GEN1: variants seen among roughly 807,000 people sequenced by gnomAD.
GEN1 encodes GEN1 structure-specific endonuclease, also known as flap endonuclease GEN homolog 1.
Under a neutral mutation model 67.6 loss-of-function variants are expected in GEN1, and 64 were observed. The ratio of observed to expected loss-of-function variants is 0.95; its 90% CI spans 0.77 to 1.17. GEN1 has a LOEUF of 1.17. Among genes scored for constraint, GEN1 ranks in the 50% most tolerant of loss-of-function variants. GEN1 has a pLI of 0.00. For synonymous variants in GEN1, 371 were observed against 359.4 expected, an observed-to-expected ratio of 1.03 and a Z score of -0.37; for missense variants, 1,058 against 1,048.3, an observed-to-expected ratio of 1.01 and a Z score of -0.13.
Position 17,781,473 on chromosome 2 carries a change from T to C in GEN1, c.2261T>C (p.Val754Ala), listed in dbSNP as rs753695222. The C allele has an allele frequency of 1.2e-6, 2 of 1,613,546 alleles. No homozygotes were observed. The highest frequency in any genetic ancestry group is 1.7e-6 in the Non-Finnish European group (2 of 1,179,912). The stretch of plus-strand genomic sequence containing the variant: ...GAAGACTATAAAGTCAATACTTCTG[T>C]CCCTTATTCTGTCAGTAACACAGTG... ...LQEDYKVNTSVPYSVSNTVVK... is the reference protein window; with the variant it reads ...LQEDYKVNTSAPYSVSNTVVK... The change falls in exon 14 of 14, where the codon GTC becomes GCC. Residue 754 changes from valine (V) to alanine (A), a missense_variant. By Grantham distance (64) the Val-to-Ala change is moderately conservative. Transcript: ENST00000381254.
chr2:17,777,256 A>T (rs1672474890), intron 11 of GEN1, among the ~76,000 whole-genome samples: 1 of 152,206 alleles, frequency 6.6e-6, no homozygotes, highest in Admixed American at 6.5e-5. Flanking sequence ...ACGTATTTGG[A>T]TAATTTAATA....
At chr2:17,754,829 C>T (rs1211353914) in intron 1 of GEN1, 1 of 152,172 alleles carries the variant, frequency 6.6e-6, no homozygotes, top group Non-Finnish European at 1.5e-5. Flanking sequence ...GTGTAAACCC[C>T]CTAAATAAAC....
chr2:17,765,066 A>G lies in GEN1; in HGVS notation c.518A>G (p.Asn173Ser), dbSNP rs1671861692. 21 of 1,613,530 alleles carry G rather than the reference A, an allele frequency of 1.3e-5. No individual in the cohort carries two copies. The highest frequency in any genetic ancestry group is 1.6e-5 in the Non-Finnish European group (19 of 1,179,834). ...AQTVYRNFTMNTKDPHVDCYT... is the reference protein window; with the variant it reads ...AQTVYRNFTMSTKDPHVDCYT... Reference sequence around the variant, plus strand: ...ACTGTTTACAGGAATTTCACTATGAATACAAAGGTGTTTATTTTCTTTCTC... The same window carrying G: ...ACTGTTTACAGGAATTTCACTATGAGTACAAAGGTGTTTATTTTCTTTCTC... Residue 173 changes from asparagine (N) to serine (S), a missense_variant, in exon 4 of 14, where the codon AAT becomes AGT. Transcript: ENST00000381254.
Position 17,784,244 on chromosome 2 carries a change from ATTACTC to A in GEN1, c.*2306_*2311del, listed in dbSNP as rs1672975116. On this transcript the variant is annotated 3_prime_UTR_variant, in exon 14 of 14. Coordinates refer to ENST00000381254, the MANE Select transcript of GEN1 (RefSeq NM_001130009.3). ...AGCACATTTAAAAATTTTCAGTACTATTACTCATCAGGAAAATGCAAATCAAAACCA... is the reference window on the plus strand; with the variant it reads ...AGCACATTTAAAAATTTTCAGTACTAATCAGGAAAATGCAAATCAAAACCA... 1 of 152,228 alleles carries A rather than the reference ATTACTC, an allele frequency of 6.6e-6. No individual in the cohort carries two copies. Among genetic ancestry groups the A allele is most frequent in the Non-Finnish European group, 1.5e-5 (1 of 68,042 alleles). 9.4% of individuals were successfully genotyped at this position (152,228 alleles called of 1,614,324 possible). A position where few individuals can be genotyped will look rare whatever the true frequency, so the allele number is the denominator to read the frequency against.
chr2:17,753,831 C>G (rs1020874323), upstream of GEN1: 1 of 152,296 alleles, frequency 6.6e-6, no homozygotes, highest in African/African-American at 2.4e-5. Context: ...CCCGCCCTCC[C>G]TCCCTTCGGG....
At chr2:17,769,100 A>G (rs746171597) in intron 6 of GEN1, among the ~76,000 whole-genome samples, 2 of 152,094 alleles carry the variant, frequency 1.3e-5, no homozygotes, top group Non-Finnish European at 1.5e-5. Context: ...GCTCACTGCA[A>G]TCTCAACCTG....
intron 11 of GEN1, among the ~76,000 whole-genome samples, chr2:17,774,906 A>C (rs552045945): frequency 1.3e-5 from 2 of 152,132 alleles, no homozygotes; most frequent in Non-Finnish European, 2.9e-5. Flanking sequence ...GTAGATAATA[A>C]AAAACTAACC....
chr2:17,779,867 G>C, intron 12 of GEN1, 111 bp from the exon 13 acceptor site: 1 of 759,210 alleles, frequency 1.3e-6, no homozygotes, highest in East Asian at 2.9e-5. Flanking sequence ...TGATCCGCCC[G>C]CCTTGGCCTC....
intron 11 of GEN1, among the ~76,000 whole-genome samples, chr2:17,776,238 T>C (rs1033658338): frequency 5.3e-5 from 8 of 150,728 alleles, no homozygotes; most frequent in African/African-American, 1.5e-4. Context: ...AAATAAAAAA[T>C]ATCTAGGTAG....
At chr2:17,757,673 C>T (rs1439443133) in intron 1 of GEN1, among the ~76,000 whole-genome samples, 5 of 152,158 alleles carry the variant, frequency 3.3e-5, no homozygotes, top group Non-Finnish European at 7.3e-5. Flanking sequence ...AATTTCTCTT[C>T]CCTCAAAAAG....
chr2:17,785,713 G>A lies in GEN1; in HGVS notation c.*3774G>A, dbSNP rs1445554002. On this transcript the variant is annotated 3_prime_UTR_variant, in exon 14 of 14. Transcript: ENST00000381254. ...GTTCAAGACCAGCCTGGCCAACATG[G>A]TGAAACCCCATCTCTACTAAAAATA... 6.6e-6 allele frequency: 1 copy of A among 152,194 alleles called. No homozygotes were observed. Among genetic ancestry groups the A allele is most frequent in the African/African-American group, 2.4e-5 (1 of 41,410 alleles). The allele number at this position is 152,194 out of a possible 1,614,324, so 9.4% of individuals were successfully genotyped here. A position where few individuals can be genotyped will look rare whatever the true frequency, so the allele number is the denominator to read the frequency against.
Position 17,782,013 on chromosome 2 carries a change from A to G in GEN1, c.*74A>G, listed in dbSNP as rs1422697077. ...TAGCAGAGACAGAGGGAAGGTATCT[A>G]GTTCATGTGTGGTAAAAATTTTAAT... is the stretch of plus-strand genomic sequence containing the variant. On this transcript the variant is annotated 3_prime_UTR_variant, in exon 14 of 14. Coordinates refer to ENST00000381254, the MANE Select transcript of GEN1 (RefSeq NM_001130009.3). The G allele has an allele frequency of 1.0e-5, 8 of 781,634 alleles. No homozygotes were observed. Among genetic ancestry groups the G allele is most frequent in the African/African-American group, 1.8e-5 (1 of 56,862 alleles). The allele number at this position is 781,634 out of a possible 1,614,324, so 48.4% of individuals were successfully genotyped here.
rs1672995250 is a variant in GEN1 at position 17,784,678 on chromosome 2, T to C, written c.*2739T>C. 6.6e-6 allele frequency: 1 copy of C among 151,692 alleles called. No individual in the cohort carries two copies. The highest frequency in any genetic ancestry group is 2.4e-5 in the African/African-American group (1 of 40,976). The allele number at this position is 151,692 out of a possible 1,614,324, so 9.4% of individuals were successfully genotyped here. ...CAACTCTTTAAGGACTGTATTGCAATGTTTTGAATATTCAGAGAGAAAAAA... is the reference window on the plus strand; with the variant it reads ...CAACTCTTTAAGGACTGTATTGCAACGTTTTGAATATTCAGAGAGAAAAAA... On this transcript the variant is annotated 3_prime_UTR_variant, in exon 14 of 14. Coordinates refer to ENST00000381254, the MANE Select transcript of GEN1 (RefSeq NM_001130009.3).
In GEN1 at chr2:17,764,985, G is replaced by T; in HGVS notation, c.437G>T (p.Gly146Val). 1.2e-6 allele frequency: 2 copies of T among 1,614,118 alleles called. No individual in the cohort carries two copies. Among genetic ancestry groups the T allele is most frequent in the Non-Finnish European group, 1.7e-6 (2 of 1,179,988 alleles). ...ATGTGTGCTTATCTCAATGCTGGTG[G>T]TCATGTCGATGGCTGCCTCACCAAT... ...EAMCAYLNAG[G>V]HVDGCLTNDG... Residue 146 changes from glycine to valine, a missense_variant, in exon 4 of 14, where the codon GGT becomes GTT. Coordinates refer to ENST00000381254, the MANE Select transcript of GEN1 (RefSeq NM_001130009.3).
At chr2:17,766,195 TCTCA>T (rs1671923871) in intron 4 of GEN1, among the ~76,000 whole-genome samples, 1 of 152,218 alleles carries the variant, frequency 6.6e-6, no homozygotes, top group Middle Eastern at 3.2e-3. Flanking sequence ...TGAGACGTAG[TCTCA>T]CTGTGTCACC....
Position 17,781,037 on chromosome 2 carries a change from G to A in GEN1, c.1825G>A (p.Asp609Asn). Reference protein sequence around the residue: ...PAIQRNTFSHDLKSEVESELS... With the variant: ...PAIQRNTFSHNLKSEVESELS... ...TATTCAAAGGAATACTTTTTCTCAT[G>A]ATTTAAAATCAGAAGTTGAATCAGA... The change falls in exon 14 of 14, where the codon GAT (aspartate) becomes AAT (asparagine). Residue 609 changes from aspartate (D) to asparagine (N), a missense_variant. Physicochemically the swap from Asp to Asn is conservative, Grantham distance 23. Coordinates refer to ENST00000381254, the MANE Select transcript of GEN1 (RefSeq NM_001130009.3). 1 of 1,613,826 alleles carries A rather than the reference G, an allele frequency of 6.2e-7. No individual in the cohort carries two copies. The highest frequency in any genetic ancestry group is 8.5e-7 in the Non-Finnish European group (1 of 1,179,846).
intron 8 of GEN1, 93 bp downstream of exon 8, chr2:17,772,877 A>G (rs1672259374): frequency 2.5e-6 from 3 of 1,185,222 alleles, no homozygotes; most frequent in South Asian, 3.3e-5. Context: ...CCCCATATCT[A>G]GATTAGTCAC....
chr2:17,760,650 A>C (rs2555071), intron 2 of GEN1, among the ~76,000 whole-genome samples: 1 of 152,034 alleles, frequency 6.6e-6, no homozygotes, highest in South Asian at 2.1e-4. Flanking sequence ...GGCCGCGTGC[A>C]GTGGCTCACG....
intron 1 of GEN1, among the ~76,000 whole-genome samples, chr2:17,756,489 C>G (rs1483041233): frequency 6.7e-6 from 1 of 149,136 alleles, no homozygotes; most frequent in Admixed American, 6.6e-5. Flanking sequence ...TGAGTGGGAA[C>G]TCACCAAATC....
Sources: allele counts gnomAD v4.1 joint callset (sites outside exome capture counted in the v4.1 genomes callset), GRCh38; gene constraint gnomAD v4.1.1; transcripts MANE v1.5; gene names NCBI Gene and HGNC (gene_info 2026-07-23, HGNC 2026-07-21).